The following ELF4 variants were observed in gnomAD, a reference collection of about 807,000 sequenced individuals.
The protein encoded by ELF4 is ETS-related transcription factor Elf-4.
Under a neutral mutation model 31.7 loss-of-function variants are expected in ELF4, and 10 were observed. That is an observed-to-expected ratio of 0.32 (90% CI 0.19 to 0.54). The LOEUF is 0.54. Among genes scored for constraint, ELF4 ranks in the 20% least tolerant of loss-of-function variants. ELF4 has a pLI of 0.95. For synonymous variants in ELF4, 208 were observed against 226.7 expected, an observed-to-expected ratio of 0.92 and a Z score of 0.74; for missense variants, 418 against 522.0, an observed-to-expected ratio of 0.80 and a Z score of 1.94.
intron 1 of ELF4, among the ~76,000 whole-genome samples, chrX:130,084,329 C>G (rs1932931128): frequency 8.9e-6 from 1 of 112,327 alleles, no homozygotes; most frequent in African/African-American, 3.2e-5. Context: ...CCAGGCCCAG[C>G]TAGATATGTG....
chrX:130,104,665 T>C (rs1224212134), intron 1 of ELF4, among the ~76,000 whole-genome samples: 1 of 112,187 alleles, frequency 8.9e-6, no homozygotes, highest in Non-Finnish European at 1.9e-5. Context: ...GTTAAGTAAC[T>C]AGCTCAACAG....
At chrX:130,109,503 T>C (rs1004040942) in intron 1 of ELF4, among the ~76,000 whole-genome samples, 6 of 112,136 alleles carry the variant, frequency 5.4e-5, no homozygotes, top group African/African-American at 1.9e-4. Context: ...AGCTGGGGTA[T>C]GGTGCGGGGC....
chrX:130,103,852 A>G (rs972457205), intron 1 of ELF4, among the ~76,000 whole-genome samples: 1 of 111,499 alleles, frequency 9.0e-6, no homozygotes, highest in Non-Finnish European at 1.9e-5. Context: ...AGCAAACACA[A>G]TCCAGTCAAT....
intron 1 of ELF4, among the ~76,000 whole-genome samples, chrX:130,103,902 G>A (rs1248809652): frequency 8.9e-6 from 1 of 111,980 alleles, no homozygotes; most frequent in East Asian, 2.8e-4. Flanking sequence ...GGAGGCCTCT[G>A]GAAGGGCACT....
At chrX:130,071,532 G>A in intron 5 of ELF4, 113 bp from the exon 6 acceptor site, 1 of 733,748 alleles carries the variant, frequency 1.4e-6, no homozygotes, top group Non-Finnish European at 2.1e-6. Context: ...CAGGGCTGGA[G>A]GCCCCAGATC....
chrX:130,079,256 G>A (rs1932865572), intron 2 of ELF4, among the ~76,000 whole-genome samples: 1 of 110,478 alleles, frequency 9.1e-6, no homozygotes, highest in Admixed American at 9.7e-5. Flanking sequence ...TCAGGAGTTC[G>A]AGACCAGCCT....
chrX:130,108,697 C>G (rs755403323), intron 1 of ELF4, among the ~76,000 whole-genome samples: 7 of 110,948 alleles, frequency 6.3e-5, no homozygotes, highest in African/African-American at 2.3e-4. Context: ...GAGCAACCAC[C>G]GAGCAAACAG....
chrX:130,068,615 C>T (rs1457015156), intron 8 of ELF4, among the ~76,000 whole-genome samples: 3 of 112,736 alleles, frequency 2.7e-5, no homozygotes, highest in East Asian at 5.6e-4. Flanking sequence ...CAGGGAAAAT[C>T]GGAGGCCCCT....
At chrX:130,088,700 G>A (rs1206124284) in intron 1 of ELF4, among the ~76,000 whole-genome samples, 4 of 111,722 alleles carry the variant, frequency 3.6e-5, no homozygotes, top group African/African-American at 1.3e-4. Context: ...GTGACAGAGC[G>A]AGACTCCATC....
In ELF4 at chrX:130,067,417, A is replaced by T. The variant is rs758221634; in HGVS notation, c.1296T>A (p.Pro432=). The change falls in exon 9 of 9, where the codon CCT becomes CCA. Residue 432 remains proline (P), a synonymous_variant. Transcript: ENST00000308167. The part of the protein sequence containing the change: ...IPLTTVLTNG[P]PASTTAPTQL... ...GAGTGGGAGCAGTAGTACTGGCAGGAGGCCCATTGGTCAGCACCGTGGTCA... is the reference window on the plus strand; with the variant it reads ...GAGTGGGAGCAGTAGTACTGGCAGGTGGCCCATTGGTCAGCACCGTGGTCA... 4 of 1,210,300 alleles carry T rather than the reference A, an allele frequency of 3.3e-6. No individual in the cohort carries two copies. The highest frequency in any genetic ancestry group is 3.5e-5 in the South Asian group (2 of 56,870).
chrX:130,065,811 T>G lies in ELF4; in HGVS notation c.*910A>C, dbSNP rs1182880373. 1.1e-5 allele frequency: 2 copies of G among 173,920 alleles called. No homozygotes were observed. 14.3% of individuals were successfully genotyped at this position (173,920 alleles called of 1,213,427 possible). A position where few individuals can be genotyped will look rare whatever the true frequency, so the allele number is the denominator to read the frequency against. ...AATTCAGCTCTGGGGGCTTTGTGGC[T>G]AGCTCTGAGGCTGGAGGGCACTTCA... On this transcript the variant is annotated 3_prime_UTR_variant, in exon 9 of 9. Coordinates refer to ENST00000308167, the MANE Select transcript of ELF4 (RefSeq NM_001421.4).
At chrX:130,073,542 G>A (rs1485657857) in intron 4 of ELF4, among the ~76,000 whole-genome samples, 3 of 111,725 alleles carry the variant, frequency 2.7e-5, no homozygotes, top group East Asian at 2.8e-4. Context: ...ACAGAGGTTC[G>A]CTCTTGTCAC....
intron 1 of ELF4, among the ~76,000 whole-genome samples, chrX:130,089,509 C>CAAAAAAAAAAAAAAAAAAA (rs777456574): frequency 5.1e-5 from 1 of 19,459 alleles, no homozygotes; most frequent in African/African-American, 2.9e-4. Context: ...GACCTCAGCT[C>CAAAAAAAAAAAAAAAAAAA]AAAAAAAAAA....
intron 1 of ELF4, among the ~76,000 whole-genome samples, chrX:130,090,493 C>T (rs1004862371): frequency 3.6e-5 from 4 of 112,106 alleles, no homozygotes; most frequent in African/African-American, 1.3e-4. Context: ...CCTGTGTTCA[C>T]ACTGTCCCCC....
chrX:130,070,787 A>AG (rs1556186611), intron 7 of ELF4, among the ~76,000 whole-genome samples: 5 of 92,740 alleles, frequency 5.4e-5, no homozygotes, highest in Non-Finnish European at 1.0e-4. Context: ...AAAAAAAAAA[A>AG]AAAGAAAGAA....
chrX:130,088,505 A>T (rs937691510), intron 1 of ELF4, among the ~76,000 whole-genome samples: 2 of 111,578 alleles, frequency 1.8e-5, no homozygotes, highest in Non-Finnish European at 1.9e-5. Flanking sequence ...TGAGGTCAAG[A>T]GTTTGAGATC....
chrX:130,098,470 GT>G (rs1442613994), intron 1 of ELF4, among the ~76,000 whole-genome samples: 1 of 111,682 alleles, frequency 9.0e-6, no homozygotes, highest in East Asian at 2.8e-4. Flanking sequence ...TAAGCTAAAG[GT>G]GGGGCTGAAT....
At chrX:130,089,960 G>T (rs1042053131) in intron 1 of ELF4, among the ~76,000 whole-genome samples, 1 of 111,584 alleles carries the variant, frequency 9.0e-6, no homozygotes, top group African/African-American at 3.3e-5. Flanking sequence ...AAATTGTCTG[G>T]ACGTGGTGAC....
At chrX:130,097,133 TAA>T (rs754452744) in intron 1 of ELF4, among the ~76,000 whole-genome samples, 15 of 74,383 alleles carry the variant, frequency 2.0e-4, no homozygotes, top group Admixed American at 4.6e-4. Context: ...CCATCTCTAT[TAA>T]AAAAAAAAAA....
Sources: allele counts gnomAD v4.1 joint callset (sites outside exome capture counted in the v4.1 genomes callset), GRCh38; gene constraint gnomAD v4.1.1; transcripts MANE v1.5; gene names NCBI Gene and HGNC (gene_info 2026-07-23, HGNC 2026-07-21).